Variants in EHMT1 observed in about 807,000 individuals in gnomAD.
EHMT1 encodes the protein euchromatic histone lysine methyltransferase 1.
A neutral mutation model predicts 147.2 loss-of-function variants in EHMT1; 15 were observed. The ratio of observed to expected loss-of-function variants is 0.10; its 90% CI spans 0.07 to 0.16. The LOEUF (loss-of-function observed/expected upper bound fraction) is 0.16. Ranked by LOEUF, EHMT1 falls within the 10% of genes least tolerant of loss-of-function variation. The pLI is 1.00. For missense variants in EHMT1, 1,587 were observed against 1,772.4 expected (o/e 0.90, Z 1.88); for synonymous variants, 795 against 709.6 (o/e 1.12, Z -1.91).
rs751033361 is a variant in EHMT1, at chr9:137,716,620, TG to T, written c.86-4del. ...CAGTCAGTGACACTCGTTTCTTTGT[TG>T]GCAGAGACACCTATGGCTGCCGATG... On this transcript the variant is annotated splice_region_variant and splice_polypyrimidine_tract_variant and intron_variant, in intron 2 of 26. Coordinates refer to ENST00000460843, the MANE Select transcript of EHMT1 (RefSeq NM_024757.5). 1.9e-6 allele frequency: 3 copies of T among 1,547,928 alleles called. No individual in the cohort carries two copies. The South Asian group carries it at 3.7e-5, about 19-fold the overall frequency.
At chr9:137,790,420 T>C (rs1044522025) in intron 15 of EHMT1, among the ~76,000 whole-genome samples, 1 of 152,224 alleles carries the variant, frequency 6.6e-6, no homozygotes, top group Non-Finnish European at 1.5e-5. Flanking sequence ...ATCAGGATTT[T>C]CCACTTATTT....
intron 1 of EHMT1, among the ~76,000 whole-genome samples, chr9:137,639,318 T>C (rs1374129706): frequency 1.3e-5 from 2 of 152,226 alleles, no homozygotes; most frequent in South Asian, 2.1e-4. Context: ...TTAGGTGGAA[T>C]GTTCCCTATA....
chr9:137,766,594 G>A (rs1205850173), intron 10 of EHMT1, among the ~76,000 whole-genome samples: 2 of 152,176 alleles, frequency 1.3e-5, no homozygotes, highest in Non-Finnish European at 1.5e-5. Flanking sequence ...CAGCCTGGGC[G>A]ACAGAGTGAG....
intron 1 of EHMT1, among the ~76,000 whole-genome samples, chr9:137,694,479 G>T (rs923416837): frequency 6.6e-6 from 1 of 152,200 alleles, no homozygotes; most frequent in Admixed American, 6.5e-5. Context: ...GGCCGGCTCC[G>T]TGCCCTTCTT....
intron 1 of EHMT1, among the ~76,000 whole-genome samples, chr9:137,682,859 C>T (rs892004844): frequency 3.9e-5 from 6 of 152,192 alleles, no homozygotes; most frequent in Non-Finnish European, 8.8e-5. Context: ...GCCCCTAGGA[C>T]GATGGGTCAC....
chr9:137,619,515 G>T (rs902844831), intron 1 of EHMT1, among the ~76,000 whole-genome samples: 20 of 152,064 alleles, frequency 1.3e-4, no homozygotes, highest in Non-Finnish European at 2.5e-4. Flanking sequence ...CTCTTCCTTC[G>T]CTTCGTTGAC....
At chr9:137,790,799 G>T (rs1564768194) in intron 15 of EHMT1, 49 bp from the exon 16 acceptor site, 1 of 1,613,936 alleles carries the variant, frequency 6.2e-7, no homozygotes, top group Non-Finnish European at 8.5e-7. Context: ...TCCCCAGGCG[G>T]TGGCTACCGT....
rs1363379677 is a variant in EHMT1, at chr9:137,716,727, G to T, written c.187G>T (p.Ala63Ser). The T allele has an allele frequency of 1.9e-6, 3 of 1,612,364 alleles. No homozygotes were observed. Among genetic ancestry groups the T allele is most frequent in the Non-Finnish European group, 2.5e-6 (3 of 1,179,290 alleles). Residue 63 changes from alanine (A) to serine (S), a missense_variant, in exon 3 of 27, where the codon GCC becomes TCC. Physicochemically the swap from Ala to Ser is moderately conservative, Grantham distance 99. This residue lies in a region of EHMT1 where 810 missense variants were observed against 673.0 expected (regional missense o/e 1.20). Coordinates refer to ENST00000460843, the MANE Select transcript of EHMT1 (RefSeq NM_024757.5). Reference sequence around the variant, plus strand: ...CAATGGGTCTTGTGAAAACAGCGATGCCAGCAGTCATGCAAATGCTGCAAA... The same window carrying T: ...CAATGGGTCTTGTGAAAACAGCGATTCCAGCAGTCATGCAAATGCTGCAAA... ...ETNGSCENSD[A>S]SSHANAAKHT...
chr9:137,800,868 C>T lies in EHMT1; in HGVS notation c.2608-12C>T, dbSNP rs1953420335. 1 of 1,613,676 alleles carries T rather than the reference C, an allele frequency of 6.2e-7. No individual in the cohort carries two copies. On this transcript the variant is annotated splice_polypyrimidine_tract_variant and intron_variant, in intron 17 of 26. Transcript: ENST00000460843. The stretch of plus-strand genomic sequence containing the variant: ...TCTGGAGCGATGACAGCTTTGTCCT[C>T]TTCCCTGGCAGGATGACGGAGGCTG...
chr9:137,722,798 G>A (rs190701360), intron 3 of EHMT1, among the ~76,000 whole-genome samples: 6 of 152,346 alleles, frequency 3.9e-5, no homozygotes, highest in African/African-American at 1.4e-4. Flanking sequence ...GCCCCACGGA[G>A]GTGGTGTGGC....
At chr9:137,779,310 G>A (rs1411301268) in intron 13 of EHMT1, among the ~76,000 whole-genome samples, 1 of 152,240 alleles carries the variant, frequency 6.6e-6, no homozygotes, top group Admixed American at 6.5e-5. Flanking sequence ...GCGTAGATGA[G>A]GTTCCCCTGC....
At chr9:137,680,891 G>T (rs1941878230) in intron 1 of EHMT1, 1 of 152,350 alleles carries the variant, frequency 6.6e-6, no homozygotes, top group Non-Finnish European at 1.5e-5. Context: ...GCAGATGCCG[G>T]GGCTCGTGGT....
intron 1 of EHMT1, among the ~76,000 whole-genome samples, chr9:137,635,461 C>T (rs1017943203): frequency 6.6e-6 from 1 of 151,500 alleles, no homozygotes; most frequent in Non-Finnish European, 1.5e-5. Context: ...GTGATTCGCC[C>T]TCCTTGGCCT....
At chr9:137,656,955 G>T (rs1168407641) in intron 1 of EHMT1, among the ~76,000 whole-genome samples, 1 of 151,900 alleles carries the variant, frequency 6.6e-6, no homozygotes, top group Non-Finnish European at 1.5e-5. Flanking sequence ...TGGCCAGGCT[G>T]GTCTTGAACT....
intron 3 of EHMT1, 112 bp from the exon 4 acceptor site, chr9:137,728,237 A>C: frequency 1.4e-6 from 2 of 1,453,036 alleles, no homozygotes; most frequent in Non-Finnish European, 1.9e-6. Flanking sequence ...ATTGTATCTC[A>C]TCTTTCGGTT....
chr9:137,803,903 G>A (rs1212848505), intron 18 of EHMT1, among the ~76,000 whole-genome samples: 1 of 151,590 alleles, frequency 6.6e-6, no homozygotes, highest in Non-Finnish European at 1.5e-5. Flanking sequence ...GTGTATGAGA[G>A]TGCATTCATC....
chr9:137,699,502 G>A (rs538668946), intron 1 of EHMT1, among the ~76,000 whole-genome samples: 6 of 152,122 alleles, frequency 3.9e-5, no homozygotes, highest in African/African-American at 9.6e-5. Flanking sequence ...ATGAAACCCC[G>A]TCTCTACTAA....
At chr9:137,733,179 T>A (rs1482836209) in intron 4 of EHMT1, among the ~76,000 whole-genome samples, 1 of 152,220 alleles carries the variant, frequency 6.6e-6, no homozygotes, top group Non-Finnish European at 1.5e-5. Flanking sequence ...GTTGAGAACA[T>A]GCGTTTATGT....
intron 4 of EHMT1, among the ~76,000 whole-genome samples, chr9:137,729,926 G>A (rs919420113): frequency 2.0e-5 from 3 of 152,188 alleles, no homozygotes; most frequent in Non-Finnish European, 4.4e-5. Context: ...ATTCCCGACT[G>A]TCTTTTAGGG....
Sources: gnomAD v4.1 joint callset for allele counts (sites outside exome capture counted in the v4.1 genomes callset) on GRCh38, gnomAD v4.1.1 for gene constraint, gnomAD v4.1.1 regional missense constraint, MANE v1.5 for transcripts, NCBI Gene and HGNC (gene_info 2026-07-23, HGNC 2026-07-21) for gene names.